LRBA: variants seen among roughly 807,000 people sequenced by gnomAD.
The protein encoded by LRBA is LPS responsive beige-like anchor protein.
In LRBA, 176 loss-of-function variants were observed where a neutral mutation model predicts 330.0. The ratio of observed to expected loss-of-function variants is 0.53; its 90% CI spans 0.47 to 0.60. The LOEUF (loss-of-function observed/expected upper bound fraction) is 0.60, where lower values mean the gene tolerates loss of function less well. Among genes scored for constraint, LRBA ranks in the 20% least tolerant of loss-of-function variants. The pLI, the probability that LRBA is intolerant of heterozygous loss-of-function variation, is 0.00. For synonymous variants in LRBA, 1,230 were observed against 1,193.0 expected (o/e 1.03, Z -0.64); for missense variants, 3,259 against 3,444.8 (o/e 0.95, Z 1.35).
chr4:150,444,111 G>A (rs187639720), intron 44 of LRBA, among the ~76,000 whole-genome samples: 63 of 151,870 alleles, frequency 4.1e-4, no homozygotes, highest in South Asian at 3.5e-3. Context: ...TTTAAAAAGC[G>A]TATTTTATCT....
intron 40 of LRBA, chr4:150,579,050 C>A (rs1261642396): frequency 1.2e-5 from 4 of 334,932 alleles, no homozygotes; most frequent in South Asian, 2.5e-5. Context: ...CGGATTATAA[C>A]AAGAGAATAC....
intron 53 of LRBA, among the ~76,000 whole-genome samples, chr4:150,294,410 C>T (rs1728706203): frequency 6.6e-6 from 1 of 152,140 alleles, no homozygotes; most frequent in African/African-American, 2.4e-5. Flanking sequence ...ATCTAGGCTC[C>T]AGCACTTGCT....
chr4:150,988,405 A>T (rs1741690501), intron 2 of LRBA, among the ~76,000 whole-genome samples: 1 of 152,214 alleles, frequency 6.6e-6, no homozygotes, highest in Admixed American at 6.5e-5. Flanking sequence ...AATAATTCCA[A>T]GAAACAAATC....
intron 44 of LRBA, among the ~76,000 whole-genome samples, chr4:150,454,047 A>G (rs1337606968): frequency 6.6e-6 from 1 of 151,960 alleles, no homozygotes; most frequent in Non-Finnish European, 1.5e-5. Context: ...TGCAACCTCC[A>G]ACTCCCTGGT....
intron 48 of LRBA, among the ~76,000 whole-genome samples, chr4:150,347,014 C>T (rs984931030): frequency 6.7e-6 from 1 of 149,236 alleles, no homozygotes; most frequent in African/African-American, 2.4e-5. Context: ...TATATATATA[C>T]ACAATGGAAT....
intron 22 of LRBA, among the ~76,000 whole-genome samples, chr4:150,864,182 C>T (rs1752380377): frequency 6.6e-6 from 1 of 152,104 alleles, no homozygotes; most frequent in Non-Finnish European, 1.5e-5. Flanking sequence ...ATGATCCACC[C>T]ACCTCAACCT....
At chr4:150,839,302 A>G (rs1748670689) in intron 28 of LRBA, among the ~76,000 whole-genome samples, 1 of 152,344 alleles carries the variant, frequency 6.6e-6, no homozygotes, top group Non-Finnish European at 1.5e-5. Flanking sequence ...ACTGTAAACT[A>G]GTTCAACCAT....
chr4:150,857,579 G>A (rs993296298), intron 22 of LRBA, among the ~76,000 whole-genome samples: 1 of 152,066 alleles, frequency 6.6e-6, no homozygotes, highest in African/African-American at 2.4e-5. Flanking sequence ...AACATGTACA[G>A]ACTCCTTCCT....
intron 2 of LRBA, among the ~76,000 whole-genome samples, chr4:150,951,880 T>C (rs1471237850): frequency 2.6e-5 from 4 of 152,200 alleles, no homozygotes; most frequent in Non-Finnish European, 5.9e-5. Flanking sequence ...CAAAGTATGA[T>C]TTTTTTCTTC....
At chr4:150,317,522 C>T (rs960273675) in intron 50 of LRBA, among the ~76,000 whole-genome samples, 2 of 152,114 alleles carry the variant, frequency 1.3e-5, no homozygotes, top group East Asian at 3.9e-4. Flanking sequence ...AGGTATTTGT[C>T]TTTGCTGATT....
intron 32 of LRBA, 96 bp from the exon 33 acceptor site, chr4:150,806,500 T>C (rs922839680): frequency 1.5e-6 from 1 of 683,546 alleles, no homozygotes; most frequent in African/African-American, 1.9e-5. Context: ...ATATATATAA[T>C]TATTTAAAAA....
At chr4:150,667,465 A>G (rs1323309053) in intron 37 of LRBA, among the ~76,000 whole-genome samples, 2 of 152,206 alleles carry the variant, frequency 1.3e-5, no homozygotes, top group African/African-American at 2.4e-5. Context: ...GGAAGAAGCC[A>G]TGAACCAAGG....
intron 30 of LRBA, among the ~76,000 whole-genome samples, chr4:150,826,517 C>G (rs190125236): frequency 1.3e-5 from 2 of 152,294 alleles, no homozygotes; most frequent in Admixed American, 1.3e-4. Flanking sequence ...AGCTGCAAGT[C>G]TGTTGGTTGT....
intron 37 of LRBA, among the ~76,000 whole-genome samples, chr4:150,628,874 T>C (rs1383339038): frequency 6.6e-6 from 1 of 152,212 alleles, no homozygotes; most frequent in East Asian, 1.9e-4. Context: ...CAAGTATTAA[T>C]ATACACTTCT....
chr4:150,419,889 C>T (rs1433486785), intron 46 of LRBA, among the ~76,000 whole-genome samples: 1 of 150,844 alleles, frequency 6.6e-6, no homozygotes, highest in Admixed American at 6.6e-5. Context: ...CTGCCTGCCT[C>T]GGCCTCCCAA....
At chr4:150,736,499 C>G (rs953220389) in intron 35 of LRBA, among the ~76,000 whole-genome samples, 1 of 151,270 alleles carries the variant, frequency 6.6e-6, no homozygotes, top group Non-Finnish European at 1.5e-5. Flanking sequence ...TTAAGCTCAG[C>G]CAAAAAAGGA....
chr4:150,814,807 GC>G (rs1456719113), intron 31 of LRBA, among the ~76,000 whole-genome samples: 2 of 151,932 alleles, frequency 1.3e-5, no homozygotes, highest in Non-Finnish European at 2.9e-5. Context: ...TGTAGATTTT[GC>G]CAATAAATGT....
Position 150,761,849 on chromosome 4 carries a change from T to A in LRBA, c.5581-2A>T. ...CTTCTGAATAGAATTTTGCCACTCC[T>A]ATAAAAAAAAAAGCAAAAATAGCTG... On this transcript the variant is annotated splice_acceptor_variant, in intron 34 of 56. Transcript: ENST00000651943. LOFTEE classifies it high-confidence loss of function. The A allele has an allele frequency of 6.7e-7, 1 of 1,503,738 alleles. No homozygotes were observed. The highest frequency in any genetic ancestry group is 8.9e-7 in the Non-Finnish European group (1 of 1,123,234). The allele number at this position is 1,503,738 out of a possible 1,614,324, so 93.1% of individuals were successfully genotyped here. A position where few individuals can be genotyped will look rare whatever the true frequency, so the allele number is the denominator to read the frequency against.
At chr4:150,839,361 A>G (rs1363754553) in intron 28 of LRBA, among the ~76,000 whole-genome samples, 1 of 152,212 alleles carries the variant, frequency 6.6e-6, no homozygotes, top group Non-Finnish European at 1.5e-5. Context: ...TACAAATACC[A>G]TTTGGCCCAG....
Sources: gnomAD v4.1 joint callset for allele counts (sites outside exome capture counted in the v4.1 genomes callset) on GRCh38, gnomAD v4.1.1 for gene constraint, MANE v1.5 for transcripts, NCBI Gene and HGNC (gene_info 2026-07-23, HGNC 2026-07-21) for gene names.